The following RBM33 variants were observed in gnomAD, a reference collection of about 807,000 sequenced individuals.
The protein encoded by RBM33 is RNA-binding protein 33.
In RBM33, 28 loss-of-function variants were observed where a neutral mutation model predicts 132.6. The observed-to-expected ratio is 0.21, with a 90% confidence interval of 0.16 to 0.29. The LOEUF is 0.29. Among genes scored for constraint, RBM33 ranks in the 10% least tolerant of loss-of-function variants. The pLI, the probability that RBM33 is intolerant of heterozygous loss-of-function variation, is 1.00. For synonymous variants in RBM33, 634 were observed against 593.0 expected (o/e 1.07, Z -1.01); for missense variants, 1,291 against 1,518.5 (o/e 0.85, Z 2.49).
chr7:155,762,607 G>T (rs1802072421), intron 14 of RBM33, among the ~76,000 whole-genome samples: 1 of 152,178 alleles, frequency 6.6e-6, no homozygotes, highest in Non-Finnish European at 1.5e-5. Flanking sequence ...GCAGAAACAA[G>T]CTACATCCAT....
intron 5 of RBM33, among the ~76,000 whole-genome samples, chr7:155,685,288 G>A (rs1418056625): frequency 6.6e-6 from 1 of 152,182 alleles, no homozygotes; most frequent in African/African-American, 2.4e-5. Context: ...GGGGATGTGG[G>A]TGGAAATAGT....
At chr7:155,773,547 A>T (rs926710092) in intron 16 of RBM33, among the ~76,000 whole-genome samples, 22 of 143,394 alleles carry the variant, frequency 1.5e-4, no homozygotes, top group African/African-American at 5.6e-4. Context: ...CAGCCCAGGC[A>T]ACAGTGCGAG....
intron 2 of RBM33, 35 bp from the exon 3 acceptor site, chr7:155,672,832 A>G (rs1436570807): frequency 1.3e-6 from 2 of 1,499,896 alleles, no homozygotes; most frequent in Non-Finnish European, 1.8e-6. Context: ...TCTTATGGGA[A>G]TAATCATTGA....
intron 1 of RBM33, 51 bp downstream of exon 1, chr7:155,644,970 G>T: frequency 7.1e-7 from 1 of 1,415,158 alleles, no homozygotes; most frequent in African/African-American, 1.5e-5. Flanking sequence ...GCGGTGGGCG[G>T]GGGTGTAGGC....
chr7:155,741,837 G>A lies in RBM33; in HGVS notation c.2068G>A (p.Val690Ile). The A allele has an allele frequency of 1.2e-6, 2 of 1,611,680 alleles. No individual in the cohort carries two copies. Among genetic ancestry groups the A allele is most frequent in the Non-Finnish European group, 1.7e-6 (2 of 1,177,870 alleles). ...GLRHNTTSQN[V>I]SKRPMQQMQP... Reference sequence around the variant, plus strand: ...TGAAAAGAATACAACTTCTCAGAATGTAAGCAAGCGGCCCATGCAGCAAAT... The same window carrying A: ...TGAAAAGAATACAACTTCTCAGAATATAAGCAAGCGGCCCATGCAGCAAAT... The change falls in exon 13 of 18, where the codon GTA becomes ATA. Residue 690 changes from valine to isoleucine, a missense_variant. This residue lies in a region of RBM33 where 841 missense variants were observed against 912.0 expected (regional missense o/e 0.92). Transcript: ENST00000401878.
rs1016835400 is a variant in RBM33 at position 155,661,840 on chromosome 7, G to A, written c.44-3335G>A. 3.9e-5 allele frequency among the ~76,000 whole-genome samples: 6 copies of A among 152,156 alleles called. No individual in the cohort carries two copies. In the South Asian group the frequency reaches 6.2e-4, roughly 16 times the overall value. On this transcript the variant is annotated intron_variant, in intron 1 of 17. Coordinates refer to ENST00000401878, the MANE Select transcript of RBM33 (RefSeq NM_053043.3). ...CAGATCTTTTTCTATGAAATCTGAC[G>A]CCTGATCCTCTCACATGCAGTTTAT... is the stretch of plus-strand genomic sequence containing the variant.
chr7:155,684,171 A>G (rs1403856279), intron 5 of RBM33, among the ~76,000 whole-genome samples: 8 of 152,186 alleles, frequency 5.3e-5, no homozygotes, highest in African/African-American at 1.2e-4. Flanking sequence ...CATGTACCAT[A>G]CAGTAGGTTG....
chr7:155,680,997 T>G, intron 5 of RBM33, 89 bp downstream of exon 5: 6 of 1,054,142 alleles, frequency 5.7e-6, no homozygotes, highest in Non-Finnish European at 8.2e-6. Flanking sequence ...TTACCTCCCC[T>G]GGGAGGGAGG....
rs116450923 is a variant in RBM33 at position 155,696,255 on chromosome 7, C to T, written c.568-4518C>T. 1.3e-3 allele frequency among the ~76,000 whole-genome samples: 199 copies of T among 152,142 alleles called. 2 individuals are homozygous for T. Among genetic ancestry groups the T allele is most frequent in the East Asian group, 4.8e-3 (25 of 5,192 alleles). On this transcript the variant is annotated intron_variant, in intron 5 of 17. Transcript: ENST00000401878. ...TTGAATTTCTGTATAAATTGTGGAA[C>T]GGACTTGTGAATAACTACTTAAAAG...
At chr7:155,689,178 A>G (rs1420810571) in intron 5 of RBM33, among the ~76,000 whole-genome samples, 2 of 152,208 alleles carry the variant, frequency 1.3e-5, no homozygotes, top group Non-Finnish European at 2.9e-5. Flanking sequence ...CAGGGATTCA[A>G]CTTCTTCCTG....
At chr7:155,769,173 G>A (rs776058181) in intron 16 of RBM33, among the ~76,000 whole-genome samples, 2 of 152,134 alleles carry the variant, frequency 1.3e-5, no homozygotes, top group African/African-American at 2.4e-5. Flanking sequence ...TTCAGAAATT[G>A]TAACTTGACA....
chr7:155,692,741 T>C (rs1447908912), intron 5 of RBM33, among the ~76,000 whole-genome samples: 1 of 152,232 alleles, frequency 6.6e-6, no homozygotes, highest in East Asian at 1.9e-4. Context: ...AGTAAAATCT[T>C]ATACTCTTCA....
At chr7:155,650,676 T>C (rs994191844) in intron 1 of RBM33, among the ~76,000 whole-genome samples, 1 of 152,228 alleles carries the variant, frequency 6.6e-6, no homozygotes, top group African/African-American at 2.4e-5. Context: ...AAGAACTCTT[T>C]TCTCCAGAGC....
At chr7:155,716,739 G>A (rs2116987425) in intron 8 of RBM33, among the ~76,000 whole-genome samples, 1 of 152,134 alleles carries the variant, frequency 6.6e-6, no homozygotes, top group East Asian at 1.9e-4. Flanking sequence ...ATATGGAATT[G>A]ATGTAACATC....
chr7:155,774,044 C>G lies in RBM33; in HGVS notation c.3376-515C>G, dbSNP rs954472457. On this transcript the variant is annotated intron_variant, in intron 16 of 17. Transcript: ENST00000401878. The surrounding 1 kb of genome is among the most constrained non-coding windows in gnomAD (Gnocchi z 4.2). ...GTGACCACGTTATGCTGATGTCTGC[C>G]CCAGGCACCACTGCCCTCACCATGG... 2.0e-5 allele frequency among the ~76,000 whole-genome samples: 3 copies of G among 152,174 alleles called. No individual in the cohort carries two copies. Among genetic ancestry groups the G allele is most frequent in the Admixed American group, 2.0e-4 (3 of 15,276 alleles).
chr7:155,711,942 T>G (rs1800315388), intron 8 of RBM33, among the ~76,000 whole-genome samples: 1 of 152,248 alleles, frequency 6.6e-6, no homozygotes, highest in East Asian at 1.9e-4. Context: ...ACATTCAAAT[T>G]TGTAAGATTG....
At chr7:155,697,206 G>A (rs1008483243) in intron 5 of RBM33, among the ~76,000 whole-genome samples, 32 of 152,176 alleles carry the variant, frequency 2.1e-4, no homozygotes, top group African/African-American at 7.0e-4. Context: ...AGGAGGAGGA[G>A]TATCTCCATA....
intron 5 of RBM33, among the ~76,000 whole-genome samples, chr7:155,692,752 C>G (rs992401892): frequency 6.6e-6 from 1 of 152,200 alleles, no homozygotes; most frequent in Admixed American, 6.5e-5. Context: ...ATACTCTTCA[C>G]TGTTCTTGAC....
chr7:155,704,962 TAAAAA>T (rs940665935), intron 6 of RBM33, among the ~76,000 whole-genome samples: 1 of 152,206 alleles, frequency 6.6e-6, no homozygotes, highest in African/African-American at 2.4e-5. Flanking sequence ...AGTTGTCTTT[TAAAAA>T]AAAGTCAGAC....
Sources: allele counts gnomAD v4.1 joint callset (sites outside exome capture counted in the v4.1 genomes callset), GRCh38; gene constraint gnomAD v4.1.1; regional missense constraint gnomAD v4.1.1; non-coding constraint Gnocchi (gnomAD v3.1); transcripts MANE v1.5; gene names NCBI Gene and HGNC (gene_info 2026-07-23, HGNC 2026-07-21).